Variants in MARK2 observed in about 807,000 individuals in gnomAD.
MARK2 encodes serine/threonine-protein kinase MARK2.
Under a neutral mutation model 89.8 loss-of-function variants are expected in MARK2, and 16 were observed. The observed-to-expected ratio is 0.18, with a 90% CI of 0.12 to 0.27. The LOEUF (loss-of-function observed/expected upper bound fraction) is 0.27, where lower values mean the gene tolerates loss of function less well. Ranked by LOEUF, MARK2 falls within the 10% of genes least tolerant of loss-of-function variation. The probability of loss-of-function intolerance (pLI) is 1.00; values close to 1 mark genes in which losing one functional copy is unlikely to be tolerated. For missense variants in MARK2, 621 were observed against 1,049.9 expected (o/e 0.59, Z 5.65); for synonymous variants, 382 against 399.5 (o/e 0.96, Z 0.52).
At chr11:63,866,921 A>G (rs1415598528) in intron 1 of MARK2, among the ~76,000 whole-genome samples, 2 of 152,126 alleles carry the variant, frequency 1.3e-5, no homozygotes, top group African/African-American at 4.8e-5. Flanking sequence ...GTCTGTCTAG[A>G]GAATTTTGTT....
intron 2 of MARK2, 72 bp downstream of exon 2, chr11:63,895,410 T>A: frequency 6.6e-7 from 1 of 1,522,148 alleles, no homozygotes; most frequent in South Asian, 1.1e-5. Flanking sequence ...GTGATGGGAC[T>A]ACTACTGCAG....
chr11:63,872,011 CCTTTTCT>C (rs1197409870), intron 1 of MARK2, among the ~76,000 whole-genome samples: 2 of 152,220 alleles, frequency 1.3e-5, no homozygotes, highest in Non-Finnish European at 2.9e-5. Flanking sequence ...GCCCACTTTC[CCTTTTCT>C]CTTGAGGGAA....
chr11:63,849,319 C>T (rs2016444928), intron 1 of MARK2, among the ~76,000 whole-genome samples: 1 of 152,230 alleles, frequency 6.6e-6, no homozygotes, highest in South Asian at 2.1e-4. Flanking sequence ...GTTCTCCAGT[C>T]ACAGGAAGTG....
chr11:63,845,774 G>C (rs1461326362), intron 1 of MARK2, among the ~76,000 whole-genome samples: 1 of 152,118 alleles, frequency 6.6e-6, no homozygotes, highest in Non-Finnish European at 1.5e-5. Context: ...CCAGGCTGGA[G>C]TGCAGTGGCA....
At chr11:63,883,378 A>C (rs967162775) in intron 1 of MARK2, among the ~76,000 whole-genome samples, 3 of 152,276 alleles carry the variant, frequency 2.0e-5, no homozygotes, top group Admixed American at 2.0e-4. Flanking sequence ...TATAGAGGGA[A>C]TACCAGGATG....
chr11:63,839,828 C>T (rs553494337), intron 1 of MARK2, among the ~76,000 whole-genome samples: 5 of 152,288 alleles, frequency 3.3e-5, no homozygotes, highest in East Asian at 1.9e-4. Context: ...GTGTCACCTC[C>T]CCAGCTTCCC....
At chr11:63,841,703 A>G (rs2016027695) in intron 1 of MARK2, among the ~76,000 whole-genome samples, 2 of 152,192 alleles carry the variant, frequency 1.3e-5, no homozygotes, top group South Asian at 4.1e-4. Context: ...GGGAGTGGCG[A>G]TGGAGTGCCT....
At position 63,902,408 on chromosome 11, in the gene MARK2, C is replaced by T. The variant is rs1219252549; in HGVS notation, c.1234+78C>T. 1.9e-6 allele frequency: 3 copies of T among 1,577,096 alleles called. No homozygotes were observed. In the African/African-American group the frequency reaches 4.0e-5, roughly 21 times the overall value. ...ACAGGTTCTGTGGGGACTTGGGTAA[C>T]ACAACTAAGTTTCAGTCCTGGTTCA... On this transcript the variant is annotated intron_variant, in intron 12 of 18. Transcript: ENST00000402010. This position sits in a 1 kb window ranked among gnomAD's most constrained non-coding sequence, Gnocchi z 4.2.
chr11:63,908,763 G>A (rs1288104508), intron 18 of MARK2, 114 bp from the exon 19 acceptor site: 24 of 1,104,008 alleles, frequency 2.2e-5, no homozygotes, highest in East Asian at 2.8e-5. Flanking sequence ...ACGCCTGGCT[G>A]CTCCTGCTCC....
In MARK2 at chr11:63,859,464, G is replaced by A. The variant is rs375108983; in HGVS notation, c.54+19904G>A. Among the ~76,000 whole-genome samples, 305 of 151,912 alleles carry A rather than the reference G, an allele frequency of 2.0e-3. 1 individual carries two copies. Among genetic ancestry groups the A allele is most frequent in the African/African-American group, 7.0e-3 (291 of 41,442 alleles). On this transcript the variant is annotated intron_variant, in intron 1 of 18. Transcript: ENST00000402010. ...GCCTCCTGAGTAGCTGGGATTGCAG[G>A]TGCCCGCCAGTATACCCGGTTAATT...
chr11:63,904,489 T>C lies in MARK2; in HGVS notation c.1677-297T>C, dbSNP rs73494144. Among the ~76,000 whole-genome samples, 765 of 152,198 alleles carry C rather than the reference T, an allele frequency of 5.0e-3. 3 individuals carry two copies. The highest frequency in any genetic ancestry group is 0.017 in the African/African-American group (724 of 41,516). On this transcript the variant is annotated intron_variant, in intron 15 of 18. Coordinates refer to ENST00000402010, the MANE Select transcript of MARK2 (RefSeq NM_001039469.3). The surrounding 1 kb of genome is among the most constrained non-coding windows in gnomAD (Gnocchi z 6.3). Reference sequence around the variant, plus strand: ...CAAGGGTTGGTCCCCATTGCCGCCTTGAGGGTCCAGTCTGCCCGGCTCCCA... The same window carrying C: ...CAAGGGTTGGTCCCCATTGCCGCCTCGAGGGTCCAGTCTGCCCGGCTCCCA...
Position 63,898,803 on chromosome 11 carries a change from A to G in MARK2, c.444A>G (p.Lys148=). ...FDYLVAHGRM[K]EKEARAKFRQ... ...ACCTAGTGGCTCATGGCAGGATGAAAGAAAAAGAGGCTCGAGCCAAATTCC... is the reference window on the plus strand; with the variant it reads ...ACCTAGTGGCTCATGGCAGGATGAAGGAAAAAGAGGCTCGAGCCAAATTCC... Residue 148 remains lysine (K), a synonymous_variant, in exon 6 of 19, where the codon AAA becomes AAG. Coordinates refer to ENST00000402010, the MANE Select transcript of MARK2 (RefSeq NM_001039469.3). 1 of 1,614,122 alleles carries G rather than the reference A, an allele frequency of 6.2e-7. No homozygotes were observed. Among genetic ancestry groups the G allele is most frequent in the Admixed American group, 1.7e-5 (1 of 60,020 alleles).
In MARK2 at chr11:63,902,986, A is replaced by G. The variant is rs935480717; in HGVS notation, c.1417-75A>G. 1.5e-5 allele frequency: 20 copies of G among 1,336,166 alleles called. No individual in the cohort carries two copies. The highest frequency in any genetic ancestry group is 2.9e-5 in the African/African-American group (2 of 69,544). 82.8% of individuals were successfully genotyped at this position (1,336,166 alleles called of 1,614,324 possible). ...GTGGAAGGGACAGGAAGCCTGTTCC[A>G]TGAACCTGGGGGGAGAACCTGGCTG... On this transcript the variant is annotated intron_variant, in intron 13 of 18. Coordinates refer to ENST00000402010, the MANE Select transcript of MARK2 (RefSeq NM_001039469.3). This position sits in a 1 kb window ranked among gnomAD's most constrained non-coding sequence, Gnocchi z 4.2.
chr11:63,885,143 A>G (rs1939317538), intron 1 of MARK2, among the ~76,000 whole-genome samples: 1 of 152,130 alleles, frequency 6.6e-6, no homozygotes, highest in African/African-American at 2.4e-5. Context: ...CAGTGAGCCA[A>G]GATCGTACCA....
At chr11:63,883,514 A>G (rs893001332) in intron 1 of MARK2, among the ~76,000 whole-genome samples, 5 of 152,138 alleles carry the variant, frequency 3.3e-5, no homozygotes, top group Admixed American at 3.3e-4. Context: ...AAGCTAGATA[A>G]TAATAGAATA....
At chr11:63,851,969 T>C (rs2016594012) in intron 1 of MARK2, among the ~76,000 whole-genome samples, 2 of 152,180 alleles carry the variant, frequency 1.3e-5, no homozygotes, top group Admixed American at 1.3e-4. Context: ...TTGGACACTG[T>C]AATATTGAAT....
At chr11:63,864,407 C>T (rs1289455228) in intron 1 of MARK2, among the ~76,000 whole-genome samples, 3 of 152,040 alleles carry the variant, frequency 2.0e-5, no homozygotes, top group Non-Finnish European at 4.4e-5. Flanking sequence ...CATGCACCAC[C>T]ACCGGCTAAT....
chr11:63,887,215 A>G (rs1419189143), intron 1 of MARK2, among the ~76,000 whole-genome samples: 1 of 152,226 alleles, frequency 6.6e-6, no homozygotes, highest in African/African-American at 2.4e-5. Context: ...ACGATTAGGC[A>G]TCAAGAAGGG....
intron 1 of MARK2, among the ~76,000 whole-genome samples, chr11:63,890,448 T>G (rs1366637064): frequency 1.3e-5 from 2 of 152,184 alleles, no homozygotes; most frequent in South Asian, 2.1e-4. Context: ...CTCCTCTCTT[T>G]CCCTGTCCTG....
Sources: allele counts gnomAD v4.1 joint callset (sites outside exome capture counted in the v4.1 genomes callset), GRCh38; gene constraint gnomAD v4.1.1; non-coding constraint Gnocchi (gnomAD v3.1); transcripts MANE v1.5; gene names NCBI Gene and HGNC (gene_info 2026-07-23, HGNC 2026-07-21).